The following NDUFS3 variants were observed in gnomAD, a reference collection of about 807,000 sequenced individuals.
The protein encoded by NDUFS3 is NADH:ubiquinone oxidoreductase core subunit S3, also known as NADH dehydrogenase [ubiquinone] iron-sulfur protein 3, mitochondrial.
A neutral mutation model predicts 30.8 loss-of-function variants in NDUFS3; 19 were observed. That is an observed-to-expected ratio of 0.62 (90% CI 0.43 to 0.91). The LOEUF is 0.91. NDUFS3 is among the 40% of genes least tolerant of loss of function. The probability of loss-of-function intolerance (pLI) is 0.00; values close to 1 mark genes in which losing one functional copy is unlikely to be tolerated. For missense variants in NDUFS3, 331 were observed against 342.0 expected, an observed-to-expected ratio of 0.97 and a Z score of 0.25; for synonymous variants, 153 against 135.8, an observed-to-expected ratio of 1.13 and a Z score of -0.88.
At chr11:47,584,276 A>ACTT (rs2097270088) in intron 6 of NDUFS3, 38 bp from the exon 7 acceptor site, 2 of 1,613,100 alleles carry the variant, frequency 1.2e-6, no homozygotes, top group Admixed American at 3.3e-5. Flanking sequence ...TATAATAAGG[A>ACTT]CTTCCTTAGT....
chr11:47,584,375 TC>T lies in NDUFS3; in HGVS notation c.691del (p.Arg231AlafsTer5). The T allele has an allele frequency of 6.2e-7, 1 of 1,613,934 alleles. No individual in the cohort carries two copies. Among genetic ancestry groups the T allele is most frequent in the Non-Finnish European group, 8.5e-7 (1 of 1,179,972 alleles). On this transcript the variant is annotated frameshift_variant, in exon 7 of 7. Coordinates refer to ENST00000263774, the MANE Select transcript of NDUFS3 (RefSeq NM_004551.3). LOFTEE classifies it high-confidence loss of function. Reference sequence around the variant, plus strand: ...GAGCCGGTGGAGTTGGCCCAAGAGTTCCGCAAATTTGACCTGAACAGCCCCT... The same window carrying T: ...GAGCCGGTGGAGTTGGCCCAAGAGTTCGCAAATTTGACCTGAACAGCCCCT... ...VAEPVELAQE[F>X]RKFDLNSPWE...
rs1428851015 is a variant in NDUFS3 at position 47,579,114 on chromosome 11, G to C, written c.23G>C (p.Arg8Thr). 1 of 1,585,894 alleles carries C rather than the reference G, an allele frequency of 6.3e-7. No homozygotes were observed. The highest frequency in any genetic ancestry group is 8.6e-7 in the Non-Finnish European group (1 of 1,167,706). The change falls in exon 1 of 7, where the codon AGG becomes ACG. Residue 8 changes from arginine (R) to threonine (T), a missense_variant. Physicochemically the swap from Arg to Thr is moderately conservative, Grantham distance 71. Transcript: ENST00000263774. The stretch of plus-strand genomic sequence containing the variant: ...AACATGGCGGCGGCGGCGGTAGCCA[G>C]GCTGTGGTGGCGCGGGATCTTGGGG... The part of the protein sequence containing the change: MAAAAVA[R>T]LWWRGILGAS...
Position 47,579,984 on chromosome 11 carries a change from G to GACACACAC in NDUFS3, c.134-502_134-495dup, listed in dbSNP as rs36201718. ...TTCTCCTTTCCTGGGTTTTCTCATT[G>GACACACAC]ACACACACACACACACACACACACA... On this transcript the variant is annotated intron_variant, in intron 2 of 6. Coordinates refer to ENST00000263774, the MANE Select transcript of NDUFS3 (RefSeq NM_004551.3). Among the ~76,000 whole-genome samples the GACACACAC allele has an allele frequency of 4.9e-3, 680 of 139,362 alleles. 1 individual carries two copies. The highest frequency in any genetic ancestry group is 0.011 in the Middle Eastern group (3 of 276). The allele number at this position is 139,362 out of a possible 152,430, so 91.4% of individuals were successfully genotyped here. A position where few individuals can be genotyped will look rare whatever the true frequency, so the allele number is the denominator to read the frequency against.
At position 47,580,859 on chromosome 11, in the gene NDUFS3, G is replaced by T. The variant is rs746730194; in HGVS notation, c.256G>T (p.Val86Phe). 6.2e-7 allele frequency: 1 copy of T among 1,614,136 alleles called. No homozygotes were observed. The highest frequency in any genetic ancestry group is 1.7e-5 in the Admixed American group (1 of 60,016). ...GGTGTCCTGCTTCAATGAGTTAGAG[G>T]TCTGTATCCATCCTGATGGCGTCAT... ...VQVSCFNELE[V>F]CIHPDGVIPV... is the part of the protein sequence containing the mutation. The change falls in exon 4 of 7, where the codon GTC (valine) becomes TTC (phenylalanine). Residue 86 changes from valine to phenylalanine, a missense_variant. Val to Phe is a conservative substitution (Grantham distance 50). Transcript: ENST00000263774.
intron 6 of NDUFS3, among the ~76,000 whole-genome samples, chr11:47,583,112 G>A (rs182494963): frequency 3.2e-3 from 492 of 151,872 alleles, no homozygotes; most frequent in Non-Finnish European, 5.0e-3. Flanking sequence ...GCAGTGGTGC[G>A]ATCATGGCTC....
At position 47,582,409 on chromosome 11, in the gene NDUFS3, G is replaced by A; in HGVS notation, c.568G>A (p.Asp190Asn). The A allele has an allele frequency of 6.2e-7, 1 of 1,614,228 alleles. No individual in the cohort carries two copies. ...CCCTGATCTAAGAAGGATCCTGACA[G>A]ATTATGGCTTCGAGGGACATCCTTT... ...NHPDLRRILT[D>N]YGFEGHPFRK... The change falls in exon 6 of 7, where the codon GAT (aspartate) becomes AAT (asparagine). Residue 190 changes from aspartate to asparagine, a missense_variant. Physicochemically the swap from Asp to Asn is conservative, Grantham distance 23. Transcript: ENST00000263774.
At chr11:47,580,763 G>A (rs1565941894) in intron 3 of NDUFS3, 72 bp from the exon 4 acceptor site, 1 of 1,607,568 alleles carries the variant, frequency 6.2e-7, no homozygotes, top group Non-Finnish European at 8.5e-7. Flanking sequence ...ATTAAACCAG[G>A]TGACTCCAGC....
chr11:47,581,790 G>C, intron 4 of NDUFS3: 2 of 416,732 alleles, frequency 4.8e-6, no homozygotes, highest in Non-Finnish European at 4.5e-6. Context: ...ACTTGGCCCT[G>C]TCTGGGAGGC....
chr11:47,581,091 C>CCAACTTCAGATCTACT, intron 4 of NDUFS3, 107 bp downstream of exon 4: 1 of 1,391,424 alleles, frequency 7.2e-7, no homozygotes, highest in Non-Finnish European at 1.0e-6. Context: ...TCAAGTAGAT[C>CCAACTTCAGATCTACT]TGAAGTTGGA....
intron 2 of NDUFS3, chr11:47,579,593 C>T (rs1360159765): frequency 5.0e-6 from 3 of 597,432 alleles, no homozygotes; most frequent in African/African-American, 1.9e-5. Context: ...AGCAATATAA[C>T]CTTTAGGCCT....
Position 47,579,115 on chromosome 11 carries a change from G to C in NDUFS3, c.24G>C (p.Arg8Ser), listed in dbSNP as rs1479609982. 1.3e-6 allele frequency: 2 copies of C among 1,586,576 alleles called. No homozygotes were observed. Among genetic ancestry groups the C allele is most frequent in the South Asian group, 2.3e-5 (2 of 88,734 alleles). Residue 8 changes from arginine (R) to serine (S), a missense_variant, in exon 1 of 7, where the codon AGG becomes AGC. Coordinates refer to ENST00000263774, the MANE Select transcript of NDUFS3 (RefSeq NM_004551.3). ...ACATGGCGGCGGCGGCGGTAGCCAG[G>C]CTGTGGTGGCGCGGGATCTTGGGGG... is the stretch of plus-strand genomic sequence containing the variant. MAAAAVA[R>S]LWWRGILGAS...
In NDUFS3 at chr11:47,580,854, T is replaced by TA; in HGVS notation, c.252dup (p.Glu85ArgfsTer7). 2 of 1,614,174 alleles carry TA rather than the reference T, an allele frequency of 1.2e-6. No individual in the cohort carries two copies. Among genetic ancestry groups the TA allele is most frequent in the South Asian group, 1.1e-5 (1 of 91,082 alleles). On this transcript the variant is annotated frameshift_variant, in exon 4 of 7. Coordinates refer to ENST00000263774, the MANE Select transcript of NDUFS3 (RefSeq NM_004551.3). LOFTEE classifies it high-confidence loss of function. ...GTGCAGGTGTCCTGCTTCAATGAGTTAGAGGTCTGTATCCATCCTGATGGC... is the reference window on the plus strand; with the variant it reads ...GTGCAGGTGTCCTGCTTCAATGAGTTAAGAGGTCTGTATCCATCCTGATGGC...
chr11:47,582,165 T>C lies in NDUFS3; in HGVS notation c.459T>C (p.Ile153=). ...CCTACACAGATGAGCTGACGCCCATTGAGTCTGCTGTCTCTGTGTTCAAGG... is the reference window on the plus strand; with the variant it reads ...CCTACACAGATGAGCTGACGCCCATCGAGTCTGCTGTCTCTGTGTTCAAGG... ...VKTYTDELTP[I]ESAVSVFKAA... is the part of the protein sequence containing the mutation. The change falls in exon 5 of 7, where the codon ATT becomes ATC. Residue 153 remains isoleucine (I), a synonymous_variant. Coordinates refer to ENST00000263774, the MANE Select transcript of NDUFS3 (RefSeq NM_004551.3). 1 of 1,614,206 alleles carries C rather than the reference T, an allele frequency of 6.2e-7. No homozygotes were observed. Among genetic ancestry groups the C allele is most frequent in the Non-Finnish European group, 8.5e-7 (1 of 1,180,040 alleles).
chr11:47,579,579 A>T (rs2153795196), intron 2 of NDUFS3: 2 of 605,422 alleles, frequency 3.3e-6, no homozygotes, highest in African/African-American at 1.8e-5. Context: ...GCTCTTTGAA[A>T]GCAAGCAATA....
At position 47,580,947 on chromosome 11, in the gene NDUFS3, C is replaced by G; in HGVS notation, c.344C>G (p.Thr115Arg). The G allele has an allele frequency of 6.2e-7, 1 of 1,614,228 alleles. No homozygotes were observed. Among genetic ancestry groups the G allele is most frequent in the Non-Finnish European group, 8.5e-7 (1 of 1,180,048 alleles). The change falls in exon 4 of 7, where the codon ACA (threonine) becomes AGA (arginine). Residue 115 changes from threonine (T) to arginine (R), a missense_variant. Physicochemically the swap from Thr to Arg is moderately conservative, Grantham distance 71 (BLOSUM62 -1). Transcript: ENST00000263774. The part of the protein sequence containing the change: ...NAQFKSLVDL[T>R]AVDVPTRQNR... ...CAGTTCAAATCTCTGGTTGACTTGA[C>G]AGCAGTGGACGTCCCAACTCGGCAA...
chr11:47,581,565 C>T (rs1598805519), intron 4 of NDUFS3: 1 of 229,044 alleles, frequency 4.4e-6, no homozygotes, highest in Admixed American at 5.2e-5. Context: ...AAGTAAATTG[C>T]TTGCACACAG....
At chr11:47,581,103 C>A in intron 4 of NDUFS3, 119 bp downstream of exon 4, 3 of 1,275,100 alleles carry the variant, frequency 2.4e-6, no homozygotes, top group South Asian at 2.4e-5. Flanking sequence ...GAAGTTGGAT[C>A]TTGGTTCTGC....
At position 47,580,995 on chromosome 11, in the gene NDUFS3, A is replaced by C; in HGVS notation, c.381+11A>C. The C allele has an allele frequency of 6.2e-7, 1 of 1,614,162 alleles. No individual in the cohort carries two copies. Among genetic ancestry groups the C allele is most frequent in the Non-Finnish European group, 8.5e-7 (1 of 1,180,044 alleles). On this transcript the variant is annotated intron_variant, in intron 4 of 6. Coordinates refer to ENST00000263774, the MANE Select transcript of NDUFS3 (RefSeq NM_004551.3). ...CAAAACCGTTTTGAGGTCAGTTGGG[A>C]GATCTGAGAAGGTTTTGGGGGTAAG...
chr11:47,582,162 C>T lies in NDUFS3; in HGVS notation c.456C>T (p.Pro152=), dbSNP rs1287364546. 6.2e-7 allele frequency: 1 copy of T among 1,614,194 alleles called. No homozygotes were observed. The change falls in exon 5 of 7, where the codon CCC becomes CCT. Residue 152 remains proline, a synonymous_variant. Coordinates refer to ENST00000263774, the MANE Select transcript of NDUFS3 (RefSeq NM_004551.3). ...AGACCTACACAGATGAGCTGACGCC[C>T]ATTGAGTCTGCTGTCTCTGTGTTCA... ...RVKTYTDELT[P]IESAVSVFKA...
Sources: gnomAD v4.1 joint callset for allele counts (sites outside exome capture counted in the v4.1 genomes callset) on GRCh38, gnomAD v4.1.1 for gene constraint, MANE v1.5 for transcripts, NCBI Gene and HGNC (gene_info 2026-07-23, HGNC 2026-07-21) for gene names.